TCF12: variants seen among roughly 807,000 people sequenced by gnomAD.
TCF12 encodes transcription factor 12, also known as DNA-binding protein HTF4.
In TCF12, 45 loss-of-function variants were observed where a neutral mutation model predicts 86.0. The observed-to-expected ratio is 0.52, with a 90% CI of 0.41 to 0.67. TCF12 has a LOEUF of 0.67. Ranked by LOEUF, TCF12 falls within the 30% of genes least tolerant of loss-of-function variation. The probability of loss-of-function intolerance (pLI) is 0.00; values close to 1 mark genes in which losing one functional copy is unlikely to be tolerated. For synonymous variants in TCF12, 330 were observed against 299.6 expected (o/e 1.10, Z -1.05); for missense variants, 881 against 859.9 (o/e 1.02, Z -0.31).
In TCF12 at chr15:57,259,799, A is replaced by G. The variant is rs372133202; in HGVS notation, c.1468-2295A>G. 3.9e-5 allele frequency among the ~76,000 whole-genome samples: 6 copies of G among 152,324 alleles called. No homozygotes were observed. The East Asian group carries it at 1.2e-3, about 29-fold the overall frequency. On this transcript the variant is annotated intron_variant, in intron 16 of 20. Coordinates refer to ENST00000333725, the MANE Select transcript of TCF12 (RefSeq NM_207037.2). ...CCCCACAGGCTCTAGGCTCAGACAA[A>G]GAACTGTTTATACACCTGTTGTATG...
intron 3 of TCF12, among the ~76,000 whole-genome samples, chr15:56,960,039 C>T (rs1002067508): frequency 2.0e-4 from 30 of 152,044 alleles, no homozygotes; most frequent in Admixed American, 1.6e-3. Context: ...TACTTTTGCA[C>T]CAACCCAATA....
intron 3 of TCF12, among the ~76,000 whole-genome samples, chr15:56,950,555 C>A (rs777633325): frequency 1.3e-5 from 2 of 152,092 alleles, no homozygotes; most frequent in South Asian, 2.1e-4. Flanking sequence ...ATAAATAAAT[C>A]ACACAGAATG....
At chr15:57,260,074 A>T (rs1034775926) in intron 16 of TCF12, among the ~76,000 whole-genome samples, 1 of 152,174 alleles carries the variant, frequency 6.6e-6, no homozygotes, top group East Asian at 1.9e-4. Flanking sequence ...TATTTTTGCT[A>T]TGTGTGCCAG....
chr15:56,971,574 A>G (rs1428882215), intron 3 of TCF12, among the ~76,000 whole-genome samples: 2 of 152,160 alleles, frequency 1.3e-5, no homozygotes, highest in Admixed American at 1.3e-4. Context: ...GGGTCCATGC[A>G]GTTAGTTGGG....
intron 3 of TCF12, among the ~76,000 whole-genome samples, chr15:57,062,980 C>G (rs2068579308): frequency 1.3e-5 from 2 of 152,136 alleles, no homozygotes; most frequent in Admixed American, 1.3e-4. Context: ...AGTCTTCCAG[C>G]TTTTTCTGGG....
chr15:57,146,027 A>T (rs1368449428), intron 5 of TCF12, among the ~76,000 whole-genome samples: 1 of 152,230 alleles, frequency 6.6e-6, no homozygotes, highest in African/African-American at 2.4e-5. Context: ...GAGTGGAGTT[A>T]AAAAACATGA....
intron 16 of TCF12, among the ~76,000 whole-genome samples, chr15:57,258,609 T>C (rs760227722): frequency 6.6e-6 from 1 of 152,238 alleles, no homozygotes; most frequent in Non-Finnish European, 1.5e-5. Flanking sequence ...TAAGTCCTGA[T>C]AAAATTTAAT....
intron 5 of TCF12, among the ~76,000 whole-genome samples, chr15:57,165,342 A>G (rs1029205173): frequency 6.6e-6 from 1 of 152,206 alleles, no homozygotes; most frequent in Non-Finnish European, 1.5e-5. Flanking sequence ...AAAACATAAT[A>G]TATGGAAATA....
chr15:57,191,152 C>T (rs1434120085), intron 6 of TCF12, among the ~76,000 whole-genome samples: 1 of 152,168 alleles, frequency 6.6e-6, no homozygotes. Flanking sequence ...AAACCCATGT[C>T]ATGAGACTCA....
At position 57,098,376 on chromosome 15, in the gene TCF12, A is replaced by G. The variant is rs536153649; in HGVS notation, c.325+6485A>G. Among the ~76,000 whole-genome samples the G allele has an allele frequency of 2.0e-3, 302 of 151,970 alleles. 1 individual carries two copies. The highest frequency in any genetic ancestry group is 7.0e-3 in the African/African-American group (291 of 41,420). ...CTGCTGTCTTGTTCTTTCTTTCACT[A>G]TTGCTCAACTCTCATTAACCAGTCT... is the stretch of plus-strand genomic sequence containing the variant. On this transcript the variant is annotated intron_variant, in intron 5 of 20. Transcript: ENST00000333725.
At chr15:57,129,422 C>T (rs538861934) in intron 5 of TCF12, among the ~76,000 whole-genome samples, 68 of 152,188 alleles carry the variant, frequency 4.5e-4, no homozygotes, top group African/African-American at 1.4e-3. Context: ...TTTAGTGGCA[C>T]GCACCTGTAG....
chr15:57,120,468 A>G lies in TCF12; in HGVS notation c.325+28577A>G, dbSNP rs138868563. On this transcript the variant is annotated intron_variant, in intron 5 of 20. Transcript: ENST00000333725. ...TGAACTGCTTTTAAACTGTAGATAG[A>G]TTACATGATCCCTGCCATTGATGAG... 4.1e-3 allele frequency among the ~76,000 whole-genome samples: 620 copies of G among 152,304 alleles called. 7 individuals are homozygous for G. The highest frequency in any genetic ancestry group is 0.014 in the African/African-American group (588 of 41,558).
At chr15:56,937,861 C>T in intron 3 of TCF12, among the ~76,000 whole-genome samples, 1 of 152,044 alleles carries the variant, frequency 6.6e-6, no homozygotes, top group Non-Finnish European at 1.5e-5. Flanking sequence ...CATTTATTGA[C>T]TTGCATATGT....
At chr15:57,191,480 GGAA>G (rs1184325771) in intron 6 of TCF12, among the ~76,000 whole-genome samples, 2 of 152,186 alleles carry the variant, frequency 1.3e-5, no homozygotes, top group East Asian at 3.9e-4. Context: ...AAAAAGGAAA[GGAA>G]GAAGAACAGA....
intron 19 of TCF12, among the ~76,000 whole-genome samples, chr15:57,281,081 A>G (rs759960544): frequency 3.5e-5 from 5 of 143,882 alleles, no homozygotes; most frequent in Non-Finnish European, 7.7e-5. Context: ...CTTTCCCTTT[A>G]TTTCTCACAG....
chr15:56,982,006 GA>G (rs34377319), intron 3 of TCF12, among the ~76,000 whole-genome samples: 7 of 151,970 alleles, frequency 4.6e-5, no homozygotes, highest in African/African-American at 1.2e-4. Flanking sequence ...TTTATTGGGG[GA>G]AAAAAACACA....
intron 5 of TCF12, among the ~76,000 whole-genome samples, chr15:57,094,756 T>C (rs948738642): frequency 1.3e-5 from 2 of 152,220 alleles, no homozygotes; most frequent in East Asian, 3.9e-4. Flanking sequence ...ACATTTCCTG[T>C]TGCTGTCAAC....
Position 57,109,700 on chromosome 15 carries a change from G to A in TCF12, c.325+17809G>A, listed in dbSNP as rs527254588. Among the ~76,000 whole-genome samples, 80 of 152,254 alleles carry A rather than the reference G, an allele frequency of 5.3e-4. No individual in the cohort carries two copies. The Middle Eastern group carries it at 0.014, about 26-fold the overall frequency. ...ACTATTGTATATTTAAAAATGCATA[G>A]AACTTGTCAAAGATAGCTTAATTTG... On this transcript the variant is annotated intron_variant, in intron 5 of 20. Transcript: ENST00000333725.
At chr15:56,976,321 T>G (rs1184382940) in intron 3 of TCF12, among the ~76,000 whole-genome samples, 1 of 145,896 alleles carries the variant, frequency 6.9e-6, no homozygotes, top group African/African-American at 2.6e-5. Flanking sequence ...ACCTCTGACT[T>G]CCGGGTTCAC....
Sources: allele counts gnomAD v4.1 joint callset (sites outside exome capture counted in the v4.1 genomes callset), GRCh38; gene constraint gnomAD v4.1.1; transcripts MANE v1.5; gene names NCBI Gene and HGNC (gene_info 2026-07-23, HGNC 2026-07-21).